RARA: variants seen among roughly 807,000 people sequenced by gnomAD.
RARA encodes the protein retinoic acid receptor alpha.
Under a neutral mutation model 42.8 loss-of-function variants are expected in RARA, and 5 were observed. The observed-to-expected ratio is 0.12, with a 90% confidence interval of 0.06 to 0.25. The LOEUF is 0.25. RARA is among the 10% of genes least tolerant of loss of function. RARA has a pLI of 1.00. For synonymous variants in RARA, 256 were observed against 259.5 expected (o/e 0.99, Z 0.13); for missense variants, 402 against 628.7 (o/e 0.64, Z 3.86).
chr17:40,314,316 A>G (rs1328357828), intron 1 of RARA, among the ~76,000 whole-genome samples: 1 of 152,124 alleles, frequency 6.6e-6, no homozygotes. Context: ...CTGCTGGCAG[A>G]AGCAAGGCTG....
chr17:40,319,851 G>T (rs908575921), intron 1 of RARA, among the ~76,000 whole-genome samples: 1 of 152,178 alleles, frequency 6.6e-6, no homozygotes, highest in African/African-American at 2.4e-5. Context: ...ATGAGGCTGG[G>T]GGAAGGAACA....
chr17:40,352,594 C>G lies in RARA; in HGVS notation c.807+87C>G. 7.8e-7 allele frequency: 1 copy of G among 1,275,514 alleles called. No individual in the cohort carries two copies. The highest frequency in any genetic ancestry group is 1.1e-6 in the Non-Finnish European group (1 of 944,732). 79.0% of individuals were successfully genotyped at this position (1,275,514 alleles called of 1,614,324 possible). On this transcript the variant is annotated intron_variant, in intron 6 of 8. Transcript: ENST00000254066. This position sits in a 1 kb window ranked among gnomAD's most constrained non-coding sequence, Gnocchi z 4.9. ...GCCAGACAGCCACCCTCCTAAATGT[C>G]TGTCTGCAATCAACCTGTCCAAATG...
At chr17:40,323,072 TG>T (rs1313428391) in intron 1 of RARA, 2 of 152,082 alleles carry the variant, frequency 1.3e-5, no homozygotes, top group Admixed American at 6.6e-5. Flanking sequence ...CCCACCAGGC[TG>T]GGGGGGTACT....
chr17:40,332,209 T>C (rs2033714658), intron 2 of RARA, among the ~76,000 whole-genome samples: 1 of 151,916 alleles, frequency 6.6e-6, no homozygotes, highest in African/African-American at 2.4e-5. Context: ...TTACAGTAAC[T>C]CTGGCCCCCA....
chr17:40,346,577 C>T (rs2143441907), intron 2 of RARA, among the ~76,000 whole-genome samples: 1 of 151,998 alleles, frequency 6.6e-6, no homozygotes, highest in South Asian at 2.1e-4. Context: ...AAAGTTAGCA[C>T]AACAAAGGGC....
chr17:40,341,290 C>G, intron 2 of RARA: 1 of 1,372,016 alleles, frequency 7.3e-7, no homozygotes, highest in Non-Finnish European at 9.5e-7. Context: ...GCTTTGCTCG[C>G]CGGAAGCACG....
At chr17:40,338,161 G>C (rs1230295481) in intron 2 of RARA, among the ~76,000 whole-genome samples, 1 of 152,248 alleles carries the variant, frequency 6.6e-6, no homozygotes, top group South Asian at 2.1e-4. Context: ...CCGAGGTATT[G>C]TGTCTACCCC....
At chr17:40,346,627 A>G (rs2034275001) in intron 2 of RARA, among the ~76,000 whole-genome samples, 1 of 149,648 alleles carries the variant, frequency 6.7e-6, no homozygotes, top group African/African-American at 2.5e-5. Context: ...GGCCTCACCC[A>G]GGCCCCCCAA....
chr17:40,341,825 C>T (rs906973330), intron 2 of RARA: 3 of 1,144,474 alleles, frequency 2.6e-6, no homozygotes, highest in East Asian at 6.5e-5. Context: ...GCCTGGGAGC[C>T]GGAACTGGTA....
intron 1 of RARA, among the ~76,000 whole-genome samples, chr17:40,323,734 G>C (rs373023967): frequency 1.4e-4 from 20 of 147,138 alleles, no homozygotes; most frequent in East Asian, 1.0e-3. Context: ...AGTTGCTTGG[G>C]GGGGGGTCAA....
At chr17:40,330,725 G>A (rs1459666599) in intron 1 of RARA, 132 bp from the exon 2 acceptor site, 4 of 195,726 alleles carry the variant, frequency 2.0e-5, no homozygotes, top group Non-Finnish European at 4.3e-5. Context: ...TGCCAGCCAG[G>A]CATGGTGCCA....
chr17:40,341,666 T>G, intron 2 of RARA: 5 of 1,343,470 alleles, frequency 3.7e-6, no homozygotes, highest in Non-Finnish European at 4.8e-6. Flanking sequence ...TCAGCGAGAG[T>G]TCAGCCGCAT....
intron 2 of RARA, among the ~76,000 whole-genome samples, chr17:40,337,438 G>A (rs1308045699): frequency 6.6e-6 from 1 of 152,224 alleles, no homozygotes; most frequent in African/African-American, 2.4e-5. Context: ...GAGAAAGAAA[G>A]ATAAGGGGCC....
chr17:40,351,015 C>T lies in RARA; in HGVS notation c.470-895C>T, dbSNP rs989249221. On this transcript the variant is annotated intron_variant, in intron 4 of 8. Transcript: ENST00000254066. This position sits in a 1 kb window ranked among gnomAD's most constrained non-coding sequence, Gnocchi z 4.1. ...CTCCCACCGCCAACTCCCCCTCTCC[C>T]GGCTGCTCTGTGCCCCGGAGCTGAG... Among the ~76,000 whole-genome samples, 5 of 152,138 alleles carry T rather than the reference C, an allele frequency of 3.3e-5. No homozygotes were observed. The highest frequency in any genetic ancestry group is 2.1e-4 in the South Asian group (1 of 4,806).
rs777589328 is a variant in RARA at position 40,354,475 on chromosome 17, G to A, written c.981G>A (p.Gly327=). 2 of 1,613,982 alleles carry A rather than the reference G, an allele frequency of 1.2e-6. No homozygotes were observed. Among genetic ancestry groups the A allele is most frequent in the South Asian group, 1.1e-5 (1 of 91,084 alleles). ...TGGAGATGGATGATGCGGAGACGGG[G>A]CTGCTCAGCGCCATCTGCCTCATCT... The part of the protein sequence containing the change: ...LPLEMDDAET[G]LLSAICLICG... Residue 327 remains glycine (G), a synonymous_variant, in exon 7 of 9, where the codon GGG becomes GGA. Transcript: ENST00000254066. The surrounding 1 kb of genome is among the most constrained non-coding windows in gnomAD (Gnocchi z 4.5).
chr17:40,354,661 G>A lies in RARA; in HGVS notation c.1012+155G>A, dbSNP rs1445560503. 6.6e-6 allele frequency among the ~76,000 whole-genome samples: 1 copy of A among 152,202 alleles called. No homozygotes were observed. Among genetic ancestry groups the A allele is most frequent in the East Asian group, 1.9e-4 (1 of 5,192 alleles). On this transcript the variant is annotated intron_variant, in intron 7 of 8. Coordinates refer to ENST00000254066, the MANE Select transcript of RARA (RefSeq NM_000964.4). The surrounding 1 kb of genome is among the most constrained non-coding windows in gnomAD (Gnocchi z 4.5). ...CAGCAAGGGGGCCATGTGGGGCCTG[G>A]ACTCCTGTTCCCGATTTCTGGGCAA...
intron 1 of RARA, among the ~76,000 whole-genome samples, chr17:40,316,984 GTCC>G (rs1449871271): frequency 6.6e-6 from 1 of 152,250 alleles, no homozygotes; most frequent in East Asian, 1.9e-4. Flanking sequence ...ATCCTGGCTT[GTCC>G]TACCTTACCA....
At chr17:40,341,206 T>C in intron 2 of RARA, 1 of 711,750 alleles carries the variant, frequency 1.4e-6, no homozygotes, top group Non-Finnish European at 2.0e-6. Context: ...CAGCTCTTCC[T>C]TTTATCTCTC....
At chr17:40,343,815 G>A (rs1598570813) in intron 2 of RARA, among the ~76,000 whole-genome samples, 1 of 152,124 alleles carries the variant, frequency 6.6e-6, no homozygotes, top group East Asian at 1.9e-4. Flanking sequence ...TCTCCTTGTT[G>A]CCCCCTGCCT....
Sources: allele counts gnomAD v4.1 joint callset (sites outside exome capture counted in the v4.1 genomes callset), GRCh38; gene constraint gnomAD v4.1.1; non-coding constraint Gnocchi (gnomAD v3.1); transcripts MANE v1.5; gene names NCBI Gene and HGNC (gene_info 2026-07-23, HGNC 2026-07-21).